The following SLC10A2 variants were observed in gnomAD, a reference collection of about 807,000 sequenced individuals.
SLC10A2 encodes solute carrier family 10 member 2.
Under a neutral mutation model 27.1 loss-of-function variants are expected in SLC10A2, and 34 were observed. The ratio of observed to expected loss-of-function variants is 1.26; its 90% CI spans 0.96 to 1.67. The LOEUF is 1.67. Among genes scored for constraint, SLC10A2 ranks in the 40% most tolerant of loss-of-function variants. SLC10A2 has a pLI of 0.00. For missense variants in SLC10A2, 530 were observed against 444.4 expected, an observed-to-expected ratio of 1.19 and a Z score of -1.73; for synonymous variants, 205 against 174.0, an observed-to-expected ratio of 1.18 and a Z score of -1.40.
At position 103,046,196 on chromosome 13, in the gene SLC10A2, A is replaced by C; in HGVS notation, c.984T>G (p.Asn328Lys). 1.2e-6 allele frequency: 2 copies of C among 1,613,862 alleles called. No homozygotes were observed. Among genetic ancestry groups the C allele is most frequent in the South Asian group, 1.1e-5 (1 of 91,074 alleles). The stretch of plus-strand genomic sequence containing the variant: ...AAAACGATGACTCTGGCTCCGTTCC[A>C]TTTTCTTTGCTCTCTGGAATTTCTG... ...NKAEIPESKE[N>K]GTEPESSFYK... Residue 328 changes from asparagine to lysine, a missense_variant, in exon 6 of 6, where the codon AAT becomes AAG. Coordinates refer to ENST00000245312, the MANE Select transcript of SLC10A2 (RefSeq NM_000452.3).
intron 2 of SLC10A2, among the ~76,000 whole-genome samples, 186 bp downstream of exon 2, chr13:103,058,078 G>A (rs1420164261): frequency 6.6e-6 from 1 of 152,034 alleles, no homozygotes; most frequent in African/African-American, 2.4e-5. Flanking sequence ...TCTCCCATAA[G>A]GTCAAGGTTT....
At chr13:103,065,780 C>G (rs1009909317) in intron 1 of SLC10A2, 93 bp downstream of exon 1, 1 of 1,407,648 alleles carries the variant, frequency 7.1e-7, no homozygotes, top group Non-Finnish European at 1.0e-6. Flanking sequence ...ACTTTAGATG[C>G]GTGGCAAATC....
intron 3 of SLC10A2, among the ~76,000 whole-genome samples, chr13:103,052,139 C>G (rs455925): frequency 0.43 from 65,106 of 151,782 alleles, 15,978 homozygotes; most frequent in African/African-American, 0.69. Flanking sequence ...TGGCCATATG[C>G]ATACAGACAT....
At chr13:103,053,509 G>T (rs190716) in intron 2 of SLC10A2, among the ~76,000 whole-genome samples, 56,611 of 152,104 alleles carry the variant, frequency 0.37, 11,917 homozygotes, top group African/African-American at 0.59. Flanking sequence ...ACACTCATTT[G>T]TCCAATAGCT....
intron 1 of SLC10A2, among the ~76,000 whole-genome samples, chr13:103,062,377 T>G (rs1236229956): frequency 6.6e-6 from 1 of 152,360 alleles, no homozygotes; most frequent in East Asian, 1.9e-4. Context: ...CTTCATTATC[T>G]GCCAAATGCA....
chr13:103,045,946 C>A lies in SLC10A2; in HGVS notation c.*187G>T. 1.7e-6 allele frequency: 1 copy of A among 584,674 alleles called. No homozygotes were observed. The highest frequency in any genetic ancestry group is 3.0e-6 in the Non-Finnish European group (1 of 331,320). 36.2% of individuals were successfully genotyped at this position (584,674 alleles called of 1,614,324 possible). A position where few individuals can be genotyped will look rare whatever the true frequency, so the allele number is the denominator to read the frequency against. Reference sequence around the variant, plus strand: ...AAAACATATACATATATATAGGAAACAATATTTGTCCCATTAAAGAATTGG... The same window carrying A: ...AAAACATATACATATATATAGGAAAAAATATTTGTCCCATTAAAGAATTGG... On this transcript the variant is annotated 3_prime_UTR_variant, in exon 6 of 6. Transcript: ENST00000245312.
Position 103,066,302 on chromosome 13 carries a change from C to T in SLC10A2, c.-53G>A, listed in dbSNP as rs1876281385. 7 of 1,533,172 alleles carry T rather than the reference C, an allele frequency of 4.6e-6. No homozygotes were observed. The South Asian group carries it at 7.8e-5, about 17-fold the overall frequency. 95.0% of individuals were successfully genotyped at this position (1,533,172 alleles called of 1,614,324 possible). On this transcript the variant is annotated 5_prime_UTR_variant, in exon 1 of 6. Transcript: ENST00000245312. ...GTCCACAGAAGCGCTGGTCCCTGGG[C>T]CCTGGCTCTGCTGCTGGTTGAGTTA...
At chr13:103,050,755 G>A (rs1239610908) in intron 4 of SLC10A2, among the ~76,000 whole-genome samples, 2 of 152,212 alleles carry the variant, frequency 1.3e-5, no homozygotes, top group Non-Finnish European at 2.9e-5. Context: ...GGATGAATGT[G>A]ATTGATGAAG....
rs1296428575 is a variant in SLC10A2, at chr13:103,044,726, ACT to A, written c.*1405_*1406del. The A allele has an allele frequency of 1.3e-5, 2 of 152,154 alleles. No homozygotes were observed. The highest frequency in any genetic ancestry group is 2.9e-5 in the Non-Finnish European group (2 of 68,032). The allele number at this position is 152,154 out of a possible 1,614,324, so 9.4% of individuals were successfully genotyped here. A position where few individuals can be genotyped will look rare whatever the true frequency, so the allele number is the denominator to read the frequency against. Reference sequence around the variant, plus strand: ...CTTTCAGCCAAAACACTTGAAATAGACTCTATGAGGCAGTGAAAATACCCAAT... The same window carrying A: ...CTTTCAGCCAAAACACTTGAAATAGACTATGAGGCAGTGAAAATACCCAAT... On this transcript the variant is annotated 3_prime_UTR_variant, in exon 6 of 6. Coordinates refer to ENST00000245312, the MANE Select transcript of SLC10A2 (RefSeq NM_000452.3).
intron 1 of SLC10A2, among the ~76,000 whole-genome samples, chr13:103,063,866 G>A (rs1876198683): frequency 6.6e-6 from 1 of 152,186 alleles, no homozygotes; most frequent in African/African-American, 2.4e-5. Flanking sequence ...GAGAATATGT[G>A]ATAGAGAGAA....
rs199538237 is a variant in SLC10A2 at position 103,046,002 on chromosome 13, C to T, written c.*131G>A. On this transcript the variant is annotated 3_prime_UTR_variant, in exon 6 of 6. Coordinates refer to ENST00000245312, the MANE Select transcript of SLC10A2 (RefSeq NM_000452.3). The stretch of plus-strand genomic sequence containing the variant: ...CAGTCACTTGGTACTGAAACCAATA[C>T]ATGAATTCCAATGAAATTCCAATTT... 12 of 1,075,812 alleles carry T rather than the reference C, an allele frequency of 1.1e-5. No individual in the cohort carries two copies. Among genetic ancestry groups the T allele is most frequent in the African/African-American group, 1.6e-5 (1 of 63,668 alleles). 66.6% of individuals were successfully genotyped at this position (1,075,812 alleles called of 1,614,324 possible).
At chr13:103,053,646 G>A (rs1566512510) in intron 2 of SLC10A2, among the ~76,000 whole-genome samples, 1 of 152,166 alleles carries the variant, frequency 6.6e-6, no homozygotes, top group Non-Finnish European at 1.5e-5. Context: ...ATGTTGCTTA[G>A]TATTGATTAA....
rs766700439 is a variant in SLC10A2 at position 103,052,612 on chromosome 13, ATACT to A, written c.585+4_585+7del. On this transcript the variant is annotated splice_donor_5th_base_variant and intron_variant, in intron 3 of 5. Coordinates refer to ENST00000245312, the MANE Select transcript of SLC10A2 (RefSeq NM_000452.3). ...GGAATATTTAATGGTGTGAACTGGG[ATACT>A]TACTTTAAGTATGATCTTTGCTTTT... 8 of 1,562,954 alleles carry A rather than the reference ATACT, an allele frequency of 5.1e-6. No homozygotes were observed. Among genetic ancestry groups the A allele is most frequent in the South Asian group, 1.1e-5 (1 of 89,992 alleles).
At chr13:103,061,163 C>A (rs1488591051) in intron 1 of SLC10A2, among the ~76,000 whole-genome samples, 1 of 151,704 alleles carries the variant, frequency 6.6e-6, no homozygotes, top group Admixed American at 6.6e-5. Flanking sequence ...GCAGTTCAAT[C>A]TATTCTGGTT....
At chr13:103,050,273 G>A (rs1875737387) in intron 4 of SLC10A2, among the ~76,000 whole-genome samples, 1 of 152,182 alleles carries the variant, frequency 6.6e-6, no homozygotes, top group Non-Finnish European at 1.5e-5. Flanking sequence ...GGTCCCCCGG[G>A]CAGTGTGTGG....
At chr13:103,049,548 G>A in intron 4 of SLC10A2, 102 bp from the exon 5 acceptor site, 1 of 1,140,964 alleles carries the variant, frequency 8.8e-7, no homozygotes, top group South Asian at 1.3e-5. Flanking sequence ...TTATGTCTCT[G>A]CTTTTAATGC....
chr13:103,062,902 C>T (rs1012752449), intron 1 of SLC10A2, among the ~76,000 whole-genome samples: 4 of 152,156 alleles, frequency 2.6e-5, no homozygotes, highest in Non-Finnish European at 5.9e-5. Flanking sequence ...TGCATGGTGT[C>T]GCTGAGGCCA....
At chr13:103,060,381 ATTTTTT>A (rs33930404) in intron 1 of SLC10A2, among the ~76,000 whole-genome samples, 25 of 131,528 alleles carry the variant, frequency 1.9e-4, no homozygotes, top group African/African-American at 7.1e-4. Context: ...TGCTACTACC[ATTTTTT>A]TTTTTTTTTT....
intron 1 of SLC10A2, among the ~76,000 whole-genome samples, chr13:103,065,016 G>A (rs79079536): frequency 0.024 from 3,693 of 152,288 alleles, 64 homozygotes; most frequent in Middle Eastern, 0.054. Context: ...ATAAGCACAC[G>A]TTGCATTAGC....
Sources: gnomAD v4.1 joint callset for allele counts (sites outside exome capture counted in the v4.1 genomes callset) on GRCh38, gnomAD v4.1.1 for gene constraint, MANE v1.5 for transcripts, NCBI Gene and HGNC (gene_info 2026-07-23, HGNC 2026-07-21) for gene names.